RAB18: variants seen among roughly 807,000 people sequenced by gnomAD.
RAB18 encodes the protein ras-related protein Rab-18.
A neutral mutation model predicts 28.5 loss-of-function variants in RAB18; 10 were observed. The ratio of observed to expected loss-of-function variants is 0.35; its 90% confidence interval spans 0.22 to 0.60. The LOEUF (loss-of-function observed/expected upper bound fraction) is 0.60, where lower values mean the gene tolerates loss of function less well. Among genes scored for constraint, RAB18 ranks in the 20% least tolerant of loss-of-function variants. RAB18 has a pLI of 0.78. For missense variants in RAB18, 188 were observed against 244.2 expected, an observed-to-expected ratio of 0.77 and a Z score of 1.53; for synonymous variants, 93 against 86.9, an observed-to-expected ratio of 1.07 and a Z score of -0.39.
chr10:27,541,157 A>C lies in RAB18; in HGVS notation c.*3106A>C, dbSNP rs186959540. The C allele has an allele frequency of 2.2e-6, 1 of 453,944 alleles. No homozygotes were observed. Among genetic ancestry groups the C allele is most frequent in the Admixed American group, 2.3e-5 (1 of 42,574 alleles). The allele number at this position is 453,944 out of a possible 1,614,324, so 28.1% of individuals were successfully genotyped here. ...TGTCTTTCCTGTATTTCCCTAGTTAAGTATAGGGGTAAAAACGTTATTCAG... is the reference window on the plus strand; with the variant it reads ...TGTCTTTCCTGTATTTCCCTAGTTACGTATAGGGGTAAAAACGTTATTCAG... On this transcript the variant is annotated 3_prime_UTR_variant, in exon 7 of 7. Coordinates refer to ENST00000356940, the MANE Select transcript of RAB18 (RefSeq NM_021252.5).
At chr10:27,516,785 A>G (rs1009589285) in intron 2 of RAB18, among the ~76,000 whole-genome samples, 2 of 152,196 alleles carry the variant, frequency 1.3e-5, no homozygotes, top group African/African-American at 4.8e-5. Context: ...AATTAATTAA[A>G]TGTGCCTGGG....
At chr10:27,533,128 C>CT (rs951545380) in intron 4 of RAB18, among the ~76,000 whole-genome samples, 1 of 151,910 alleles carries the variant, frequency 6.6e-6, no homozygotes, top group Non-Finnish European at 1.5e-5. Flanking sequence ...GTAGAATTCT[C>CT]TTTTTTTAAA....
intron 6 of RAB18, among the ~76,000 whole-genome samples, chr10:27,535,426 G>T (rs148579040): frequency 1.3e-5 from 2 of 152,152 alleles, no homozygotes; most frequent in African/African-American, 2.4e-5. Context: ...CCTGAGGTGG[G>T]AATCAGGCTA....
chr10:27,524,424 C>T (rs1243117755), intron 2 of RAB18, among the ~76,000 whole-genome samples: 1 of 152,144 alleles, frequency 6.6e-6, no homozygotes, highest in Non-Finnish European at 1.5e-5. Context: ...CATATATCTA[C>T]TGTTGAGTTC....
chr10:27,520,144 A>G (rs1294384453), intron 2 of RAB18, among the ~76,000 whole-genome samples: 1 of 152,138 alleles, frequency 6.6e-6, no homozygotes, highest in Non-Finnish European at 1.5e-5. Context: ...AACTTGATTG[A>G]TTACTGATTC....
intron 2 of RAB18, among the ~76,000 whole-genome samples, chr10:27,510,983 TA>T: frequency 6.6e-6 from 1 of 152,258 alleles, no homozygotes; most frequent in East Asian, 1.9e-4. Context: ...TATTCTTTTT[TA>T]AAAAAATGAG....
chr10:27,505,168 T>C (rs1214095379), intron 1 of RAB18: 2 of 532,148 alleles, frequency 3.8e-6, no homozygotes, highest in South Asian at 1.4e-5. Flanking sequence ...GAAAATAATA[T>C]TGACAGTGGA....
chr10:27,513,080 C>T (rs117054136), intron 2 of RAB18, among the ~76,000 whole-genome samples: 2,700 of 149,086 alleles, frequency 0.018, 36 homozygotes, highest in Non-Finnish European at 0.027. Context: ...TTGCCCAGGC[C>T]GGAGTGCAGT....
chr10:27,522,913 T>A (rs1834590252), intron 2 of RAB18, among the ~76,000 whole-genome samples: 1 of 152,116 alleles, frequency 6.6e-6, no homozygotes, highest in African/African-American at 2.4e-5. Context: ...CTGATCAATT[T>A]GACTAGAAGT....
At chr10:27,517,634 A>G (rs1048836695) in intron 2 of RAB18, among the ~76,000 whole-genome samples, 3 of 152,238 alleles carry the variant, frequency 2.0e-5, no homozygotes, top group Admixed American at 1.3e-4. Context: ...ATTCTTTCAG[A>G]AAATATGTTT....
intron 3 of RAB18, among the ~76,000 whole-genome samples, chr10:27,529,522 C>G (rs1455173612): frequency 1.3e-5 from 2 of 151,896 alleles, no homozygotes; most frequent in East Asian, 3.9e-4. Context: ...ACCTTGTTTT[C>G]TTCTACTGCC....
Position 27,538,695 on chromosome 10 carries a change from C to A in RAB18, c.*644C>A, listed in dbSNP as rs551940522. On this transcript the variant is annotated 3_prime_UTR_variant, in exon 7 of 7. Transcript: ENST00000356940. ...TTCAATGATTAGCTCAGTTGCTTAA[C>A]TGGAGTTTTAATCCTGTGATATGTA... The A allele has an allele frequency of 4.4e-6, 2 of 454,084 alleles. No homozygotes were observed. Among genetic ancestry groups the A allele is most frequent in the Non-Finnish European group, 8.8e-6 (2 of 226,738 alleles). The allele number at this position is 454,084 out of a possible 1,614,324, so 28.1% of individuals were successfully genotyped here.
intron 2 of RAB18, among the ~76,000 whole-genome samples, chr10:27,520,006 A>G (rs1834514244): frequency 6.6e-6 from 1 of 152,164 alleles, no homozygotes; most frequent in South Asian, 2.1e-4. Context: ...AAGGGAATTG[A>G]ATTTTGTCAA....
chr10:27,537,493 C>T (rs2132414594), intron 6 of RAB18, among the ~76,000 whole-genome samples: 1 of 152,264 alleles, frequency 6.6e-6, no homozygotes, highest in Middle Eastern at 3.4e-3. Context: ...AATTGTTTAA[C>T]TTGTATGAAT....
rs11015861 is a variant in RAB18 at position 27,541,504 on chromosome 10, G to A, written c.*3453G>A. ...TGATTGTGGTATAAAGTTTGCTTAA[G>A]TGCCCCTTAGTTAAAGCTGTTCAAT... On this transcript the variant is annotated 3_prime_UTR_variant, in exon 7 of 7. Coordinates refer to ENST00000356940, the MANE Select transcript of RAB18 (RefSeq NM_021252.5). The A allele has an allele frequency of 0.44, 200,647 of 453,570 alleles. 46,558 individuals carry two copies. Among genetic ancestry groups the A allele is most frequent in the Non-Finnish European group, 0.5 (114,299 of 226,682 alleles). 28.1% of individuals were successfully genotyped at this position (453,570 alleles called of 1,614,324 possible). A position where few individuals can be genotyped will look rare whatever the true frequency, so the allele number is the denominator to read the frequency against.
Position 27,534,223 on chromosome 10 carries a change from A to G in RAB18, c.445+229A>G, listed in dbSNP as rs75149873. Among the ~76,000 whole-genome samples the G allele has an allele frequency of 4.0e-3, 614 of 152,320 alleles. 4 individuals carry two copies. Among genetic ancestry groups the G allele is most frequent in the African/African-American group, 0.014 (575 of 41,558 alleles). The stretch of plus-strand genomic sequence containing the variant: ...TTAAAAAACAGTCAAATCATTCCTC[A>G]CAGGATATAGTGGCATTCAGTAAAG... On this transcript the variant is annotated intron_variant, in intron 6 of 6. Transcript: ENST00000356940.
intron 2 of RAB18, among the ~76,000 whole-genome samples, chr10:27,518,628 G>T (rs1177636738): frequency 6.6e-6 from 1 of 151,706 alleles, no homozygotes; most frequent in African/African-American, 2.4e-5. Context: ...GCTTTTTTGG[G>T]GGCTTTGAGA....
intron 1 of RAB18, 68 bp downstream of exon 1, chr10:27,504,505 T>A: frequency 6.6e-7 from 1 of 1,505,004 alleles, no homozygotes; most frequent in South Asian, 1.2e-5. Context: ...TGCTGTCTCC[T>A]GGGCCGCGAC....
chr10:27,529,555 T>A (rs1254719537), intron 3 of RAB18, among the ~76,000 whole-genome samples: 1 of 151,988 alleles, frequency 6.6e-6, no homozygotes, highest in Non-Finnish European at 1.5e-5. Context: ...CTTGCTTCAC[T>A]TTCACTCCCT....
Sources: gnomAD v4.1 joint callset for allele counts (sites outside exome capture counted in the v4.1 genomes callset) on GRCh38, gnomAD v4.1.1 for gene constraint, MANE v1.5 for transcripts, NCBI Gene and HGNC (gene_info 2026-07-23, HGNC 2026-07-21) for gene names.